SPECC1L: variants seen among roughly 807,000 people sequenced by gnomAD.
SPECC1L encodes the protein sperm antigen with calponin homology and coiled-coil domains 1 like, also known as cytospin-A.
Under a neutral mutation model 116.8 loss-of-function variants are expected in SPECC1L, and 40 were observed. That is an observed-to-expected ratio of 0.34 (90% CI 0.27 to 0.45). The LOEUF (loss-of-function observed/expected upper bound fraction) is 0.45, where lower values mean the gene tolerates loss of function less well. SPECC1L is among the 20% of genes least tolerant of loss of function. The pLI, the probability that SPECC1L is intolerant of heterozygous loss-of-function variation, is 1.00. For missense variants in SPECC1L, 1,110 were observed against 1,373.6 expected (o/e 0.81, Z 3.03); for synonymous variants, 504 against 500.6 (o/e 1.01, Z -0.09).
At chr22:24,271,139 C>T (rs1237661208) in intron 1 of SPECC1L, among the ~76,000 whole-genome samples, 156 bp downstream of exon 1, 2 of 152,244 alleles carry the variant, frequency 1.3e-5, no homozygotes, top group South Asian at 2.1e-4. Flanking sequence ...GTGTCCCGCG[C>T]CTGCGCCTTT....
At chr22:24,284,693 T>A (rs1367023573) in intron 2 of SPECC1L, among the ~76,000 whole-genome samples, 2 of 152,164 alleles carry the variant, frequency 1.3e-5, no homozygotes, top group Non-Finnish European at 2.9e-5. Context: ...CCTTGGCCTC[T>A]GAAAGTGCTG....
At chr22:24,362,827 G>T (rs1237394941) in intron 11 of SPECC1L, among the ~76,000 whole-genome samples, 5 of 152,048 alleles carry the variant, frequency 3.3e-5, no homozygotes, top group African/African-American at 1.2e-4. Context: ...TTGTCATTCT[G>T]TTACTCTAAT....
At chr22:24,393,387 AG>A (rs2042307294) in intron 14 of SPECC1L, among the ~76,000 whole-genome samples, 1 of 152,176 alleles carries the variant, frequency 6.6e-6, no homozygotes, top group African/African-American at 2.4e-5. Context: ...GATGTAAGCC[AG>A]GTGTGTTTGC....
At chr22:24,388,225 CT>C (rs1417602754) in intron 14 of SPECC1L, among the ~76,000 whole-genome samples, 14 of 117,122 alleles carry the variant, frequency 1.2e-4, no homozygotes, top group African/African-American at 4.6e-4. Context: ...AATGCTATCC[CT>C]CCCCCCTCCC....
chr22:24,291,955 A>G lies in SPECC1L; in HGVS notation c.-37-10240A>G, dbSNP rs116392544. Among the ~76,000 whole-genome samples the G allele has an allele frequency of 9.0e-3, 1,366 of 152,330 alleles. 19 individuals are homozygous for G. The highest frequency in any genetic ancestry group is 0.031 in the African/African-American group (1,278 of 41,576). On this transcript the variant is annotated intron_variant, in intron 2 of 16. Transcript: ENST00000314328. ...AATTTAAATGGTTTTAAATAGCAGT[A>G]CATTTTGGAAACATTTGAGGGGAAA...
Position 24,324,712 on chromosome 22 carries a change from G to A in SPECC1L, c.2146+285G>A, listed in dbSNP as rs139150674. 2.0e-3 allele frequency among the ~76,000 whole-genome samples: 311 copies of A among 152,290 alleles called. 2 individuals are homozygous for A. The highest frequency in any genetic ancestry group is 5.6e-3 in the Admixed American group (85 of 15,294). On this transcript the variant is annotated intron_variant, in intron 6 of 16. Transcript: ENST00000314328. Reference sequence around the variant, plus strand: ...CTAAAAATACAAAAATTAGCTGGGTGTGGTGCCAGGTGCCTGTAATCCCAG... The same window carrying A: ...CTAAAAATACAAAAATTAGCTGGGTATGGTGCCAGGTGCCTGTAATCCCAG...
Position 24,321,881 on chromosome 22 carries a change from G to A in SPECC1L, c.901G>A (p.Gly301Ser). The A allele has an allele frequency of 6.2e-7, 1 of 1,614,188 alleles. No individual in the cohort carries two copies. Among genetic ancestry groups the A allele is most frequent in the Non-Finnish European group, 8.5e-7 (1 of 1,180,042 alleles). ...YQSLSPEITP[G>S]NQSDGGGTLT... ...GTCCCTGAGCCCAGAAATCACCCCTGGTAACCAGAGCGATGGAGGAGGAAC... is the reference window on the plus strand; with the variant it reads ...GTCCCTGAGCCCAGAAATCACCCCTAGTAACCAGAGCGATGGAGGAGGAAC... Residue 301 changes from glycine to serine, a missense_variant, in exon 5 of 17, where the codon GGT (glycine) becomes AGT (serine). This residue lies in a region of SPECC1L where 437 missense variants were observed against 482.6 expected (regional missense o/e 0.91). Coordinates refer to ENST00000314328, the MANE Select transcript of SPECC1L (RefSeq NM_015330.6).
intron 6 of SPECC1L, 89 bp downstream of exon 6, chr22:24,324,516 C>A: frequency 8.3e-7 from 1 of 1,199,098 alleles, no homozygotes; most frequent in Non-Finnish European, 1.2e-6. Flanking sequence ...TAGGGCTGGG[C>A]ACGGTGGCTC....
At chr22:24,354,627 C>T (rs1456240761) in intron 11 of SPECC1L, among the ~76,000 whole-genome samples, 3 of 151,854 alleles carry the variant, frequency 2.0e-5, no homozygotes, top group Non-Finnish European at 4.4e-5. Context: ...TTTTCCTGCA[C>T]CAGCCCTGGA....
At position 24,411,579 on chromosome 22, in the gene SPECC1L, T is replaced by G; in HGVS notation, c.3088-9T>G. The G allele has an allele frequency of 6.2e-7, 1 of 1,613,048 alleles. No individual in the cohort carries two copies. The highest frequency in any genetic ancestry group is 8.5e-7 in the Non-Finnish European group (1 of 1,179,016). ...GTGTTGGTTACATGTTTTTCTTCCTTTCCTTCAGAATATTGACATTACAAA... is the reference window on the plus strand; with the variant it reads ...GTGTTGGTTACATGTTTTTCTTCCTGTCCTTCAGAATATTGACATTACAAA... On this transcript the variant is annotated splice_polypyrimidine_tract_variant and intron_variant, in intron 14 of 16. Transcript: ENST00000314328.
At chr22:24,319,661 G>A (rs2040679966) in intron 4 of SPECC1L, among the ~76,000 whole-genome samples, 1 of 152,140 alleles carries the variant, frequency 6.6e-6, no homozygotes, top group African/African-American at 2.4e-5. Flanking sequence ...CGTTAACTGT[G>A]TGACTGTACT....
chr22:24,351,508 CTA>C (rs2041423255), intron 11 of SPECC1L, among the ~76,000 whole-genome samples: 1 of 152,114 alleles, frequency 6.6e-6, no homozygotes, highest in Non-Finnish European at 1.5e-5. Flanking sequence ...TGCCGTCAGT[CTA>C]TGTAAAAGCT....
intron 10 of SPECC1L, among the ~76,000 whole-genome samples, chr22:24,341,459 C>T (rs2041176021): frequency 6.6e-6 from 1 of 152,136 alleles, no homozygotes; most frequent in African/African-American, 2.4e-5. Context: ...ATTATAGACT[C>T]CTAAAGGACC....
chr22:24,403,340 T>G (rs1284434539), intron 14 of SPECC1L, among the ~76,000 whole-genome samples: 1 of 152,240 alleles, frequency 6.6e-6, no homozygotes, highest in Non-Finnish European at 1.5e-5. Flanking sequence ...AAATCTGAAT[T>G]CATCGGTAAG....
intron 14 of SPECC1L, among the ~76,000 whole-genome samples, chr22:24,402,188 A>C (rs2042493085): frequency 1.7e-5 from 2 of 120,884 alleles, no homozygotes; most frequent in African/African-American, 3.1e-5. Flanking sequence ...CCTGGAGCAG[A>C]GATTGGCCCT....
intron 2 of SPECC1L, among the ~76,000 whole-genome samples, chr22:24,297,224 C>T (rs987629067): frequency 2.0e-5 from 3 of 150,442 alleles, no homozygotes; most frequent in Admixed American, 1.3e-4. Context: ...TGAGCCACTG[C>T]GCCTGGCCTA....
chr22:24,383,792 ATTTTTTTTTTTTTTT>A (rs538972717), intron 14 of SPECC1L, among the ~76,000 whole-genome samples: 1,282 of 77,234 alleles, frequency 0.017, 17 homozygotes, highest in African/African-American at 0.039. Flanking sequence ...ACCCACCACT[ATTTTTTTTTTTTTTT>A]TTTTTTTTTT....
At position 24,414,661 on chromosome 22, in the gene SPECC1L, C is replaced by T. The variant is rs199923742; in HGVS notation, c.*38C>T. ...GAGCCGCCCCAATAGCGGGGGTACC[C>T]CTCCACAGCGACCGAGCGACACCGA... On this transcript the variant is annotated 3_prime_UTR_variant, in exon 17 of 17. Transcript: ENST00000314328. The T allele has an allele frequency of 1.3e-6, 2 of 1,586,942 alleles. No homozygotes were observed. The highest frequency in any genetic ancestry group is 1.7e-6 in the Non-Finnish European group (2 of 1,156,552).
At chr22:24,391,333 A>C (rs2042271214) in intron 14 of SPECC1L, among the ~76,000 whole-genome samples, 1 of 152,186 alleles carries the variant, frequency 6.6e-6, no homozygotes, top group Non-Finnish European at 1.5e-5. Flanking sequence ...TACTTACTGC[A>C]TTCTGTTTAA....
Sources: gnomAD v4.1 joint callset for allele counts (sites outside exome capture counted in the v4.1 genomes callset) on GRCh38, gnomAD v4.1.1 for gene constraint, gnomAD v4.1.1 regional missense constraint, MANE v1.5 for transcripts, NCBI Gene and HGNC (gene_info 2026-07-23, HGNC 2026-07-21) for gene names.